Variants in CNIH3 observed in about 807,000 individuals in gnomAD.
The protein encoded by CNIH3 is cornichon family AMPA receptor auxiliary protein 3, also known as protein cornichon homolog 3.
In CNIH3, 14 loss-of-function variants were observed where a neutral mutation model predicts 24.1. That is an observed-to-expected ratio of 0.58 (90% CI 0.38 to 0.91). The LOEUF is 0.91. Ranked by LOEUF, CNIH3 falls within the 40% of genes least tolerant of loss-of-function variation. The probability of loss-of-function intolerance (pLI) is 0.00; values close to 1 mark genes in which losing one functional copy is unlikely to be tolerated. For missense variants in CNIH3, 178 were observed against 196.8 expected (o/e 0.90, Z 0.57); for synonymous variants, 68 against 73.8 (o/e 0.92, Z 0.40).
chr1:224,447,702 T>G (rs1172426860), intron 1 of CNIH3, among the ~76,000 whole-genome samples: 1 of 152,206 alleles, frequency 6.6e-6, no homozygotes, highest in African/African-American at 2.4e-5. Flanking sequence ...CTTTGGCAAC[T>G]TATGGCAGGA....
intron 1 of CNIH3, among the ~76,000 whole-genome samples, chr1:224,672,155 A>C (rs1685896602): frequency 1.3e-5 from 2 of 152,230 alleles, no homozygotes; most frequent in Non-Finnish European, 2.9e-5. Context: ...AGAGGAAGTA[A>C]AAAGCAGAAT....
intron 1 of CNIH3, among the ~76,000 whole-genome samples, chr1:224,677,222 G>A (rs778959338): frequency 1.3e-5 from 2 of 152,176 alleles, no homozygotes; most frequent in East Asian, 1.9e-4. Context: ...CATATAGCCC[G>A]GCAGCTGACA....
chr1:224,620,185 C>G (rs1209964717), intron 1 of CNIH3, among the ~76,000 whole-genome samples: 1 of 152,248 alleles, frequency 6.6e-6, no homozygotes, highest in African/African-American at 2.4e-5. Context: ...CAGAAGAAAA[C>G]TAGGTTTTTT....
intron 3 of CNIH3, among the ~76,000 whole-genome samples, chr1:224,601,100 G>A (rs1682188182): frequency 6.6e-6 from 1 of 152,226 alleles, no homozygotes; most frequent in African/African-American, 2.4e-5. Context: ...AGGAATGAAA[G>A]TAAAGTACAC....
chr1:224,601,428 A>G (rs879324003), intron 3 of CNIH3, among the ~76,000 whole-genome samples: 8 of 152,044 alleles, frequency 5.3e-5, no homozygotes, highest in Non-Finnish European at 1.0e-4. Context: ...GAGCCCATTC[A>G]CCCAGCTCCT....
At chr1:224,525,119 T>C (rs1164334962) in intron 2 of CNIH3, among the ~76,000 whole-genome samples, 2 of 152,246 alleles carry the variant, frequency 1.3e-5, no homozygotes, top group African/African-American at 4.8e-5. Flanking sequence ...CCCTCCTGTA[T>C]GTTTTAGTTG....
At position 224,616,518 on chromosome 1, in the gene CNIH3, GA is replaced by G. The variant is rs1682996409; in HGVS notation, c.-656del. On this transcript the variant is annotated 5_prime_UTR_variant, in exon 1 of 6. Coordinates refer to ENST00000272133, the MANE Select transcript of CNIH3 (RefSeq NM_152495.2). ...CCGGCTGGCCGGAGTCACGGTTGGG[GA>G]CGGGCGCGCCTCGGAGCGCACGGCT... 1.0e-6 allele frequency: 1 copy of G among 987,468 alleles called. No homozygotes were observed. Among genetic ancestry groups the G allele is most frequent in the African/African-American group, 1.7e-5 (1 of 57,260 alleles). The allele number at this position is 987,468 out of a possible 1,614,324, so 61.2% of individuals were successfully genotyped here.
At chr1:224,678,617 AG>A (rs1686249848) in intron 1 of CNIH3, among the ~76,000 whole-genome samples, 1 of 152,010 alleles carries the variant, frequency 6.6e-6, no homozygotes, top group Non-Finnish European at 1.5e-5. Flanking sequence ...CAGTACTTAA[AG>A]GGGTTCTTTG....
intron 1 of CNIH3, among the ~76,000 whole-genome samples, chr1:224,667,721 TGAAGGGCAGTCAA>T (rs1458531342): frequency 6.6e-6 from 1 of 151,250 alleles, no homozygotes; most frequent in Non-Finnish European, 1.5e-5. Flanking sequence ...GTAATCACTT[TGAAGGGCAGTCAA>T]GGAGGGCAGT....
In CNIH3 at chr1:224,479,019, G is replaced by C. The variant is rs555174777; in HGVS notation, n.204-36722G>C. ...CACTGGATCCCTCCTACAACATGTG[G>C]GAATTCAAGCTGAGATTTTGGTGGG... On this transcript the variant is annotated intron_variant and non_coding_transcript_variant, in intron 1 of 5. Transcript: ENST00000471578. 9.0e-4 allele frequency among the ~76,000 whole-genome samples: 137 copies of C among 152,162 alleles called. 3 individuals are homozygous for C. The highest frequency in any genetic ancestry group is 9.0e-3 in the Admixed American group (137 of 15,274).
chr1:224,569,877 G>A (rs1223242180), intron 4 of CNIH3, among the ~76,000 whole-genome samples: 3 of 151,948 alleles, frequency 2.0e-5, no homozygotes, highest in Admixed American at 6.6e-5. Context: ...TCAACCTCCC[G>A]GGTTCAAGCG....
intron 3 of CNIH3, among the ~76,000 whole-genome samples, chr1:224,729,996 A>T (rs1476780755): frequency 2.0e-5 from 3 of 152,222 alleles, no homozygotes; most frequent in African/African-American, 7.2e-5. Context: ...TATTTGTGAT[A>T]AATGTACATA....
chr1:224,578,998 T>C (rs970310692), intron 4 of CNIH3, among the ~76,000 whole-genome samples: 1 of 152,082 alleles, frequency 6.6e-6, no homozygotes, highest in African/African-American at 2.4e-5. Flanking sequence ...ATGTAGAGAG[T>C]AGAGAACAAC....
At chr1:224,613,560 C>G (rs1272720685), upstream of CNIH3, among the ~76,000 whole-genome samples, 10 of 152,078 alleles carry the variant, frequency 6.6e-5, no homozygotes, top group Non-Finnish European at 1.0e-4. Context: ...AAATGTCATC[C>G]CCAGTGTTGG....
rs1317216027 is a variant in CNIH3 at position 224,480,770 on chromosome 1, A to G, written n.204-34971A>G. Among the ~76,000 whole-genome samples, 141 of 152,206 alleles carry G rather than the reference A, an allele frequency of 9.3e-4. 1 individual carries two copies. The highest frequency in any genetic ancestry group is 9.2e-3 in the Admixed American group (140 of 15,276). ...CCTCAGCCTGGACCTTATTGTCCAT[A>G]TCACTATTAGGCTTTTGGTCAAAGC... On this transcript the variant is annotated intron_variant and non_coding_transcript_variant, in intron 1 of 5. Transcript: ENST00000471578.
intron 5 of CNIH3, among the ~76,000 whole-genome samples, chr1:224,735,549 G>A (rs1039581940): frequency 1.3e-5 from 2 of 152,260 alleles, no homozygotes; most frequent in African/African-American, 2.4e-5. Context: ...GCCAGGTGAA[G>A]AGGAGGAGGG....
Position 224,434,982 on chromosome 1 carries a change from C to T in CNIH3, n.203+120C>T, listed in dbSNP as rs946775425. Reference sequence around the variant, plus strand: ...CCCGACCCCATCCACGACCCCGACTCCTATCCGATCCTATCCCCGGCCCCG... The same window carrying T: ...CCCGACCCCATCCACGACCCCGACTTCTATCCGATCCTATCCCCGGCCCCG... On this transcript the variant is annotated intron_variant and non_coding_transcript_variant, in intron 1 of 5. Transcript: ENST00000471578. 12 of 985,362 alleles carry T rather than the reference C, an allele frequency of 1.2e-5. No individual in the cohort carries two copies. In the African/African-American group the frequency reaches 1.6e-4, roughly 13 times the overall value. The allele number at this position is 985,362 out of a possible 1,614,324, so 61.0% of individuals were successfully genotyped here.
At chr1:224,692,818 G>A (rs1430322199) in intron 3 of CNIH3, among the ~76,000 whole-genome samples, 1 of 152,176 alleles carries the variant, frequency 6.6e-6, no homozygotes, top group Non-Finnish European at 1.5e-5. Flanking sequence ...ACATTATAAG[G>A]GAGATTGCTG....
chr1:224,498,241 T>C (rs972042752), intron 1 of CNIH3, among the ~76,000 whole-genome samples: 3 of 152,150 alleles, frequency 2.0e-5, no homozygotes, highest in African/African-American at 7.2e-5. Context: ...TTTCTTGCTC[T>C]CTTAGGATTA....
Sources: allele counts gnomAD v4.1 joint callset (sites outside exome capture counted in the v4.1 genomes callset), GRCh38; gene constraint gnomAD v4.1.1; transcripts MANE v1.5; gene names NCBI Gene and HGNC (gene_info 2026-07-23, HGNC 2026-07-21).